RAP1GAP2: variants seen among roughly 807,000 people sequenced by gnomAD.
RAP1GAP2 encodes the protein rap1 GTPase-activating protein 2.
Under a neutral mutation model 95.0 loss-of-function variants are expected in RAP1GAP2, and 27 were observed. That is an observed-to-expected ratio of 0.28 (90% CI 0.21 to 0.39). The LOEUF (loss-of-function observed/expected upper bound fraction) is 0.39, where lower values mean the gene tolerates loss of function less well. Among genes scored for constraint, RAP1GAP2 ranks in the 10% least tolerant of loss-of-function variants. The pLI is 1.00. For synonymous variants in RAP1GAP2, 373 were observed against 380.9 expected (o/e 0.98, Z 0.24); for missense variants, 771 against 970.0 (o/e 0.79, Z 2.72).
At chr17:2,813,074 A>C (rs1379304946) in intron 2 of RAP1GAP2, among the ~76,000 whole-genome samples, 22 of 148,770 alleles carry the variant, frequency 1.5e-4, no homozygotes, top group Non-Finnish European at 7.4e-5. Flanking sequence ...CAGCATCAGT[A>C]CTTTTTTTTT....
rs2046918462 is a variant in RAP1GAP2 at position 3,020,404 on chromosome 17, CA to C, written c.1633-72del. ...TCCAGACCAGGAGCCATTTGTAGAC[CA>C]GGGAGGAGGATGAGGGGATAGGAGA... On this transcript the variant is annotated intron_variant, in intron 18 of 24. Coordinates refer to ENST00000254695, the MANE Select transcript of RAP1GAP2 (RefSeq NM_015085.5). 85 of 1,224,980 alleles carry C rather than the reference CA, an allele frequency of 6.9e-5. 2 individuals carry two copies. The South Asian group carries it at 1.0e-3, about 15-fold the overall frequency. The allele number at this position is 1,224,980 out of a possible 1,614,324, so 75.9% of individuals were successfully genotyped here.
At chr17:2,909,716 C>T (rs1412027910) in intron 3 of RAP1GAP2, among the ~76,000 whole-genome samples, 1 of 152,162 alleles carries the variant, frequency 6.6e-6, no homozygotes, top group Non-Finnish European at 1.5e-5. Context: ...CGTGTTCTGT[C>T]CTTCTCCCCT....
chr17:2,939,983 G>A lies in RAP1GAP2; in HGVS notation c.166-17776G>A, dbSNP rs187800635. ...TCCAGCGTCAGCAGCAGCCGCCGCC[G>A]TGGTGGTAGCAGCTGCAGTGGAGCT... On this transcript the variant is annotated intron_variant, in intron 3 of 24. Coordinates refer to ENST00000254695, the MANE Select transcript of RAP1GAP2 (RefSeq NM_015085.5). Among the ~76,000 whole-genome samples the A allele has an allele frequency of 7.2e-3, 1,098 of 152,388 alleles. 8 individuals are homozygous for A. Among genetic ancestry groups the A allele is most frequent in the Middle Eastern group, 0.014 (4 of 294 alleles).
At chr17:2,998,899 G>C (rs947299896) in intron 14 of RAP1GAP2, among the ~76,000 whole-genome samples, 3 of 152,174 alleles carry the variant, frequency 2.0e-5, no homozygotes, top group African/African-American at 2.4e-5. Flanking sequence ...AGGACGAGCA[G>C]GAAAGGGTAG....
intron 5 of RAP1GAP2, chr17:2,962,978 C>T (rs1419458326): frequency 3.5e-5 from 19 of 541,038 alleles, no homozygotes; most frequent in African/African-American, 9.7e-5. Context: ...CCGTTTGGCC[C>T]GGCTCTTCCC....
chr17:2,765,107 C>G (rs2068248632), intron 1 of RAP1GAP2, among the ~76,000 whole-genome samples: 1 of 152,180 alleles, frequency 6.6e-6, no homozygotes, highest in African/African-American at 2.4e-5. Flanking sequence ...AGGGGAGTCA[C>G]TTTGGGGCAG....
chr17:2,829,389 G>T (rs959348538), intron 2 of RAP1GAP2, among the ~76,000 whole-genome samples: 4 of 152,066 alleles, frequency 2.6e-5, no homozygotes, highest in Admixed American at 6.6e-5. Context: ...CGTGGCTTCA[G>T]ATCTCCATAA....
chr17:2,785,236 A>C (rs768133585), intron 1 of RAP1GAP2, among the ~76,000 whole-genome samples: 17 of 152,014 alleles, frequency 1.1e-4, no homozygotes, highest in Non-Finnish European at 2.1e-4. Context: ...CTCTCCTCTG[A>C]GCCTTCCCTG....
Position 2,963,226 on chromosome 17 carries a change from A to G in RAP1GAP2, c.247-204A>G. ...TTCGGACACTGCATCATCAGCTGGC[A>G]GGGTTTATGTTTGGGTTCTGTCAGT... On this transcript the variant is annotated intron_variant, in intron 5 of 24. Transcript: ENST00000254695. This position sits in a 1 kb window ranked among gnomAD's most constrained non-coding sequence, Gnocchi z 4.8. 1 of 641,800 alleles carries G rather than the reference A, an allele frequency of 1.6e-6. No individual in the cohort carries two copies. Among genetic ancestry groups the G allele is most frequent in the Non-Finnish European group, 2.8e-6 (1 of 357,666 alleles). The allele number at this position is 641,800 out of a possible 1,614,324, so 39.8% of individuals were successfully genotyped here. A position where few individuals can be genotyped will look rare whatever the true frequency, so the allele number is the denominator to read the frequency against.
chr17:2,797,755 C>T lies in RAP1GAP2; in HGVS notation c.44+1184C>T. ...GTCTGCTCTCGGGCCCTCCCTGACG[C>T]CTGGATCTGGGAGCTGCCACCCCGA... On this transcript the variant is annotated intron_variant, in intron 1 of 24. Coordinates refer to ENST00000254695, the MANE Select transcript of RAP1GAP2 (RefSeq NM_015085.5). The surrounding 1 kb of genome is among the most constrained non-coding windows in gnomAD (Gnocchi z 5.6). 1 of 985,344 alleles carries T rather than the reference C, an allele frequency of 1.0e-6. No individual in the cohort carries two copies. Among genetic ancestry groups the T allele is most frequent in the Non-Finnish European group, 1.2e-6 (1 of 829,922 alleles). 61.0% of individuals were successfully genotyped at this position (985,344 alleles called of 1,614,324 possible).
intron 2 of RAP1GAP2, among the ~76,000 whole-genome samples, chr17:2,893,913 C>T (rs562508623): frequency 6.6e-6 from 1 of 152,368 alleles, no homozygotes; most frequent in South Asian, 2.1e-4. Flanking sequence ...GAGCACCGCC[C>T]TTCCAGCCCA....
intron 3 of RAP1GAP2, among the ~76,000 whole-genome samples, chr17:2,921,636 A>G (rs75456852): frequency 1.3e-5 from 2 of 149,072 alleles, no homozygotes; most frequent in Non-Finnish European, 3.0e-5. Flanking sequence ...TTAAGGTGTC[A>G]GCAGGGCCGT....
At chr17:3,018,729 G>C (rs180951642) in intron 18 of RAP1GAP2, among the ~76,000 whole-genome samples, 117 of 152,248 alleles carry the variant, frequency 7.7e-4, no homozygotes, top group African/African-American at 2.6e-3. Context: ...AGGCCCGCTG[G>C]GGCTCAGTAA....
intron 3 of RAP1GAP2, among the ~76,000 whole-genome samples, chr17:2,925,026 G>A (rs909165654): frequency 6.6e-6 from 1 of 152,236 alleles, no homozygotes; most frequent in Non-Finnish European, 1.5e-5. Context: ...TCCAGATGTG[G>A]TTTGGGACTG....
chr17:2,763,735 T>A (rs1169517839), intron 1 of RAP1GAP2, among the ~76,000 whole-genome samples: 1 of 146,416 alleles, frequency 6.8e-6, no homozygotes, highest in Non-Finnish European at 1.5e-5. Context: ...AAATCCCTCA[T>A]TCACAGCCTC....
Position 2,810,359 on chromosome 17 carries a change from CG to C in RAP1GAP2, c.80+9810del, listed in dbSNP as rs768236821. Among the ~76,000 whole-genome samples the C allele has an allele frequency of 3.1e-3, 449 of 144,224 alleles. 1 individual carries two copies. Among genetic ancestry groups the C allele is most frequent in the Non-Finnish European group, 3.8e-3 (248 of 65,624 alleles). 94.6% of individuals were successfully genotyped at this position (144,224 alleles called of 152,430 possible). On this transcript the variant is annotated intron_variant, in intron 2 of 24. Coordinates refer to ENST00000254695, the MANE Select transcript of RAP1GAP2 (RefSeq NM_015085.5). ...TTGAGATTTAAAAAGTCAAATTAGTCGTTTTTTTTTTTTAATTATACTTTAA... is the reference window on the plus strand; with the variant it reads ...TTGAGATTTAAAAAGTCAAATTAGTCTTTTTTTTTTTTAATTATACTTTAA...
chr17:2,791,668 C>T (rs972804955), upstream of RAP1GAP2, among the ~76,000 whole-genome samples: 5 of 152,074 alleles, frequency 3.3e-5, no homozygotes, highest in Non-Finnish European at 5.9e-5. Flanking sequence ...AAAAGCTAAG[C>T]GCTTTGGTCC....
intron 2 of RAP1GAP2, among the ~76,000 whole-genome samples, chr17:2,828,068 C>A (rs563230748): frequency 1.3e-5 from 2 of 152,118 alleles, no homozygotes; most frequent in East Asian, 1.9e-4. Context: ...GGGCCGGGTG[C>A]GGTGGCTCAC....
chr17:2,996,681 G>A (rs2045970905), intron 13 of RAP1GAP2, among the ~76,000 whole-genome samples: 1 of 152,212 alleles, frequency 6.6e-6, no homozygotes, highest in Non-Finnish European at 1.5e-5. Context: ...GTTCTCTCTG[G>A]GCCTTCTCAG....
Sources: allele counts gnomAD v4.1 joint callset (sites outside exome capture counted in the v4.1 genomes callset), GRCh38; gene constraint gnomAD v4.1.1; non-coding constraint Gnocchi (gnomAD v3.1); transcripts MANE v1.5; gene names NCBI Gene and HGNC (gene_info 2026-07-23, HGNC 2026-07-21).